DUSP22: variants seen among roughly 807,000 people sequenced by gnomAD.
DUSP22 encodes dual specificity protein phosphatase 22.
Under a neutral mutation model 24.5 loss-of-function variants are expected in DUSP22, and 24 were observed. The ratio of observed to expected loss-of-function variants is 0.98; its 90% CI spans 0.71 to 1.38. The LOEUF (loss-of-function observed/expected upper bound fraction) is 1.38, where lower values mean the gene tolerates loss of function less well. Among genes scored for constraint, DUSP22 ranks in the 40% most tolerant of loss-of-function variants. The pLI is 0.00. For synonymous variants in DUSP22, 160 were observed against 106.4 expected (o/e 1.50, Z -3.10); for missense variants, 330 against 269.2 (o/e 1.23, Z -1.58).
At position 292,526 on chromosome 6, in the gene DUSP22, C is replaced by T. The variant is rs552603230; in HGVS notation, c.-14C>T. The T allele has an allele frequency of 1.2e-6, 2 of 1,605,184 alleles. No individual in the cohort carries two copies. Among genetic ancestry groups the T allele is most frequent in the Non-Finnish European group, 1.7e-6 (2 of 1,175,876 alleles). On this transcript the variant is annotated 5_prime_UTR_variant, in exon 1 of 7. Coordinates refer to ENST00000419235, the MANE Select transcript of DUSP22 (RefSeq NM_001286555.3). ...ACCACACGGCCGGGGCGCTAGCGTT[C>T]GCCTTCAGCCACCATGGGGAATGGG...
chr6:308,075 C>T (rs1757900134), intron 2 of DUSP22, among the ~76,000 whole-genome samples: 1 of 151,438 alleles, frequency 6.6e-6, no homozygotes, highest in Non-Finnish European at 1.5e-5. Context: ...AGGTCATTCC[C>T]TCCAGGGCTC....
At chr6:308,890 TG>T (rs1348150437) in intron 2 of DUSP22, among the ~76,000 whole-genome samples, 13 of 152,290 alleles carry the variant, frequency 8.5e-5, no homozygotes, top group Non-Finnish European at 5.9e-5. Context: ...AGGAGCCAGG[TG>T]GGTGGGTCAG....
At chr6:293,722 T>A (rs1472360546) in intron 1 of DUSP22, among the ~76,000 whole-genome samples, 1 of 152,288 alleles carries the variant, frequency 6.6e-6, no homozygotes, top group African/African-American at 2.4e-5. Context: ...GGTTACCCAG[T>A]TTGTGAAAGA....
At chr6:315,352 T>C (rs1440289118) in intron 3 of DUSP22, among the ~76,000 whole-genome samples, 8 of 152,286 alleles carry the variant, frequency 5.3e-5, no homozygotes, top group African/African-American at 1.9e-4. Flanking sequence ...CAAGCCTAAC[T>C]CTATCATTGG....
intron 3 of DUSP22, chr6:325,529 G>A (rs1297784594): frequency 4.0e-4 from 53 of 132,288 alleles, no homozygotes; most frequent in East Asian, 6.2e-4. Flanking sequence ...GGGCTTCCGC[G>A]TCCTGGTGTG....
Position 305,714 on chromosome 6 carries a change from G to A in DUSP22, c.55+1053G>A, listed in dbSNP as rs1390644809. ...TGTAAGTGAATCACTGAGATGAGGT[G>A]GGAAGATAGAGATGAGGGGCCCTTA... On this transcript the variant is annotated intron_variant, in intron 2 of 6. Coordinates refer to ENST00000419235, the MANE Select transcript of DUSP22 (RefSeq NM_001286555.3). Among the ~76,000 whole-genome samples the A allele has an allele frequency of 2.0e-5, 3 of 152,304 alleles. No homozygotes were observed. In the East Asian group the frequency reaches 5.8e-4, roughly 29 times the overall value.
intron 5 of DUSP22, 36 bp downstream of exon 5, chr6:345,964 A>G: frequency 6.2e-7 from 1 of 1,611,086 alleles, no homozygotes; most frequent in Non-Finnish European, 8.5e-7. Context: ...GCCTTAGCGT[A>G]TTCTGGTCGG....
At chr6:335,938 A>G (rs1386772719) in intron 4 of DUSP22, among the ~76,000 whole-genome samples, 2 of 152,306 alleles carry the variant, frequency 1.3e-5, no homozygotes, top group Non-Finnish European at 1.5e-5. Flanking sequence ...CTGCACCTAT[A>G]GAGAGATTCA....
chr6:341,635 G>C (rs1759612812), intron 4 of DUSP22, among the ~76,000 whole-genome samples: 1 of 152,310 alleles, frequency 6.6e-6, no homozygotes, highest in South Asian at 2.1e-4. Context: ...CGCCTTGTTG[G>C]CATCCTTCCG....
chr6:312,110 T>G (rs1337413854), intron 3 of DUSP22, 148 bp downstream of exon 3: 2 of 899,612 alleles, frequency 2.2e-6, no homozygotes, highest in Non-Finnish European at 3.3e-6. Flanking sequence ...CAGGCCGTGT[T>G]GATGTTAACA....
rs530904731 is a variant in DUSP22, at chr6:296,095, G to C, written c.21+3535G>C. 9.8e-5 allele frequency among the ~76,000 whole-genome samples: 15 copies of C among 152,416 alleles called. No individual in the cohort carries two copies. In the East Asian group the frequency reaches 2.7e-3, roughly 27 times the overall value. On this transcript the variant is annotated intron_variant, in intron 1 of 6. Transcript: ENST00000419235. ...AACTTGAAAAGCTCCTCATAGCTTC[G>C]ATTACTTGTCAAATAGCCAAAATCA...
chr6:302,110 A>G (rs1236558889), intron 1 of DUSP22, among the ~76,000 whole-genome samples: 1 of 152,304 alleles, frequency 6.6e-6, no homozygotes, highest in Non-Finnish European at 1.5e-5. Context: ...AGAGAAATGC[A>G]GAAGCCCTCC....
intron 1 of DUSP22, among the ~76,000 whole-genome samples, chr6:297,353 G>A (rs1757382713): frequency 6.6e-6 from 1 of 152,304 alleles, no homozygotes; most frequent in Non-Finnish European, 1.5e-5. Flanking sequence ...AATACAGTCT[G>A]TTTTGAGTGT....
intron 4 of DUSP22, among the ~76,000 whole-genome samples, chr6:338,949 C>T (rs1164655956): frequency 1.3e-5 from 2 of 152,310 alleles, no homozygotes; most frequent in Admixed American, 1.3e-4. Flanking sequence ...CCTCTCAAAT[C>T]TCCCTCTCTG....
At chr6:329,591 T>C (rs1759049913) in intron 3 of DUSP22, among the ~76,000 whole-genome samples, 1 of 152,298 alleles carries the variant, frequency 6.6e-6, no homozygotes, top group East Asian at 1.9e-4. Flanking sequence ...TAGCTGGGAT[T>C]ACAAGTGCAT....
chr6:329,352 T>G (rs1424112222), intron 3 of DUSP22, among the ~76,000 whole-genome samples: 1 of 152,306 alleles, frequency 6.6e-6, no homozygotes, highest in Admixed American at 6.5e-5. Flanking sequence ...AGTTTTACTT[T>G]AGGAGAATGA....
intron 1 of DUSP22, among the ~76,000 whole-genome samples, chr6:304,341 C>T (rs543242550): frequency 1.2e-4 from 18 of 152,298 alleles, no homozygotes; most frequent in Admixed American, 8.5e-4. Flanking sequence ...GGTGGGCAGG[C>T]GGGGCAGGGG....
At position 350,243 on chromosome 6, in the gene DUSP22, A is replaced by T; in HGVS notation, c.*1292A>T. ...AAAGTTGCCAGTTTGGGCTCCAGTA[A>T]TGCTTTCTGGTGGGTAAAATTCCAC... On this transcript the variant is annotated 3_prime_UTR_variant, in exon 7 of 7. Coordinates refer to ENST00000419235, the MANE Select transcript of DUSP22 (RefSeq NM_001286555.3). The T allele has an allele frequency of 1.0e-6, 1 of 988,324 alleles. No individual in the cohort carries two copies. The highest frequency in any genetic ancestry group is 1.2e-6 in the Non-Finnish European group (1 of 831,998). The allele number at this position is 988,324 out of a possible 1,614,324, so 61.2% of individuals were successfully genotyped here.
At chr6:335,198 T>G in intron 4 of DUSP22, 35 bp downstream of exon 4, 2 of 1,606,954 alleles carry the variant, frequency 1.2e-6, no homozygotes, top group Non-Finnish European at 1.7e-6. Context: ...TTGGAGACAT[T>G]TAAAAAAATG....
Sources: gnomAD v4.1 joint callset for allele counts (sites outside exome capture counted in the v4.1 genomes callset) on GRCh38, gnomAD v4.1.1 for gene constraint, MANE v1.5 for transcripts, NCBI Gene and HGNC (gene_info 2026-07-23, HGNC 2026-07-21) for gene names.